TAOK3: variants seen among roughly 807,000 people sequenced by gnomAD.
The protein encoded by TAOK3 is TAO kinase 3.
In TAOK3, 40 loss-of-function variants were observed where a neutral mutation model predicts 120.4. The observed-to-expected ratio is 0.33, with a 90% CI of 0.26 to 0.43. The LOEUF (loss-of-function observed/expected upper bound fraction) is 0.43, where lower values mean the gene tolerates loss of function less well. Among genes scored for constraint, TAOK3 ranks in the 20% least tolerant of loss-of-function variants. The pLI is 1.00. For missense variants in TAOK3, 821 were observed against 1,112.1 expected, an observed-to-expected ratio of 0.74 and a Z score of 3.72; for synonymous variants, 355 against 387.5, an observed-to-expected ratio of 0.92 and a Z score of 0.99.
intron 2 of TAOK3, among the ~76,000 whole-genome samples, chr12:118,260,522 G>A (rs1268244249): frequency 2.6e-5 from 4 of 152,064 alleles, no homozygotes. Flanking sequence ...AACCATAATT[G>A]ATATAGATGA....
chr12:118,249,434 C>T (rs935343684), intron 3 of TAOK3, among the ~76,000 whole-genome samples: 2 of 151,664 alleles, frequency 1.3e-5, no homozygotes, highest in Non-Finnish European at 2.9e-5. Context: ...TGGTGGCACA[C>T]GTCTGTAATC....
At chr12:118,195,674 T>C (rs911488357) in intron 13 of TAOK3, among the ~76,000 whole-genome samples, 12 of 152,204 alleles carry the variant, frequency 7.9e-5, no homozygotes, top group African/African-American at 2.7e-4. Context: ...GTGGCAACAC[T>C]AGCCAGGGGG....
intron 1 of TAOK3, among the ~76,000 whole-genome samples, chr12:118,320,979 T>C (rs536948518): frequency 6.6e-6 from 1 of 152,150 alleles, no homozygotes; most frequent in Non-Finnish European, 1.5e-5. Context: ...CCTACTAAAG[T>C]ACTGTTAAGT....
chr12:118,280,502 T>G (rs1566057504), intron 1 of TAOK3, among the ~76,000 whole-genome samples: 1 of 152,192 alleles, frequency 6.6e-6, no homozygotes, highest in African/African-American at 2.4e-5. Flanking sequence ...ATCAGATGGT[T>G]GTAGGTGTGC....
chr12:118,270,831 C>T (rs1168234493), intron 1 of TAOK3, among the ~76,000 whole-genome samples: 6 of 152,020 alleles, frequency 3.9e-5, no homozygotes, highest in Non-Finnish European at 4.4e-5. Flanking sequence ...CCCGCCACCA[C>T]GCCCAGCTAA....
chr12:118,212,094 T>C (rs1457357550), intron 11 of TAOK3, among the ~76,000 whole-genome samples: 1 of 152,192 alleles, frequency 6.6e-6, no homozygotes, highest in Non-Finnish European at 1.5e-5. Context: ...TCTTAAATTA[T>C]AAAGGCAAAC....
At chr12:118,198,989 CTT>C (rs1157621900) in intron 13 of TAOK3, 60 bp downstream of exon 13, 13 of 1,582,736 alleles carry the variant, frequency 8.2e-6, no homozygotes, top group Non-Finnish European at 1.1e-5. Flanking sequence ...AGCTAAGTGA[CTT>C]GAACTGGATT....
intron 1 of TAOK3, among the ~76,000 whole-genome samples, chr12:118,325,530 T>C (rs1208303858): frequency 1.3e-5 from 2 of 152,220 alleles, no homozygotes; most frequent in Admixed American, 6.5e-5. Context: ...TGTCTTCTTT[T>C]GAGAAATGTC....
chr12:118,322,227 A>G (rs1307542898), intron 1 of TAOK3, among the ~76,000 whole-genome samples: 1 of 151,104 alleles, frequency 6.6e-6, no homozygotes, highest in Non-Finnish European at 1.5e-5. Flanking sequence ...AGGCAGGACA[A>G]CTACTTGAAC....
chr12:118,281,139 A>C (rs1162177342), intron 1 of TAOK3, among the ~76,000 whole-genome samples: 3 of 152,254 alleles, frequency 2.0e-5, no homozygotes, highest in Non-Finnish European at 4.4e-5. Context: ...TGTTGCCTGC[A>C]AACAGGGATA....
intron 1 of TAOK3, among the ~76,000 whole-genome samples, chr12:118,363,458 T>C (rs1032474908): frequency 6.6e-6 from 1 of 152,126 alleles, no homozygotes; most frequent in African/African-American, 2.4e-5. Context: ...AATATGGATA[T>C]CTAAGAAGGA....
At position 118,372,328 on chromosome 12, in the gene TAOK3, G is replaced by A. The variant is rs1344216827; in HGVS notation, c.-194+320C>T. On this transcript the variant is annotated intron_variant, in intron 1 of 20. Coordinates refer to ENST00000392533, the MANE Select transcript of TAOK3 (RefSeq NM_016281.4). This position sits in a 1 kb window ranked among gnomAD's most constrained non-coding sequence, Gnocchi z 4.6. Reference sequence around the variant, plus strand: ...CCTCCCCTCATCCCCCTATCCTAGTGCCTCATGAGGCACCCACCCCTCACC... The same window carrying A: ...CCTCCCCTCATCCCCCTATCCTAGTACCTCATGAGGCACCCACCCCTCACC... Among the ~76,000 whole-genome samples, 6 of 130,644 alleles carry A rather than the reference G, an allele frequency of 4.6e-5. No individual in the cohort carries two copies. In the East Asian group the frequency reaches 1.2e-3, roughly 25 times the overall value. The allele number at this position is 130,644 out of a possible 152,430, so 85.7% of individuals were successfully genotyped here.
chr12:118,290,738 G>C (rs1343288161), intron 1 of TAOK3, among the ~76,000 whole-genome samples: 1 of 152,182 alleles, frequency 6.6e-6, no homozygotes, highest in South Asian at 2.1e-4. Flanking sequence ...GCTAATTTTT[G>C]TATTTTTAGT....
chr12:118,161,736 G>C lies in TAOK3; in HGVS notation c.2139+52C>G. ...TTGCTCAGGTGACTCTGACACTTCA[G>C]GTAGAGAAACCACTGATCTGGTCCA... On this transcript the variant is annotated intron_variant, in intron 18 of 20. Coordinates refer to ENST00000392533, the MANE Select transcript of TAOK3 (RefSeq NM_016281.4). The surrounding 1 kb of genome is among the most constrained non-coding windows in gnomAD (Gnocchi z 4.5). The C allele has an allele frequency of 6.3e-7, 1 of 1,597,726 alleles. No homozygotes were observed. Among genetic ancestry groups the C allele is most frequent in the Non-Finnish European group, 8.6e-7 (1 of 1,169,212 alleles).
At chr12:118,299,645 G>A (rs2042805427) in intron 1 of TAOK3, among the ~76,000 whole-genome samples, 1 of 152,044 alleles carries the variant, frequency 6.6e-6, no homozygotes, top group Non-Finnish European at 1.5e-5. Flanking sequence ...CACTAGCTGG[G>A]ACTAGAGGTG....
rs201991376 is a variant in TAOK3, at chr12:118,207,981, TA to T, written c.819+4932del. On this transcript the variant is annotated intron_variant, in intron 11 of 20. Transcript: ENST00000392533. Reference sequence around the variant, plus strand: ...CTGTTCCTAACAGATCCTCTAAAGTTAAAAAAAAAATTATTAAAGGCTTTAC... The same window carrying T: ...CTGTTCCTAACAGATCCTCTAAAGTTAAAAAAAAATTATTAAAGGCTTTAC... Among the ~76,000 whole-genome samples the T allele has an allele frequency of 4.2e-4, 63 of 150,164 alleles. 1 individual carries two copies. Among genetic ancestry groups the T allele is most frequent in the African/African-American group, 1.1e-3 (45 of 41,060 alleles).
chr12:118,348,912 G>A (rs919226804), intron 1 of TAOK3, among the ~76,000 whole-genome samples: 1 of 144,754 alleles, frequency 6.9e-6, no homozygotes, highest in Non-Finnish European at 1.5e-5. Context: ...CTTGTTGCCC[G>A]GGTCTCACTC....
At chr12:118,358,854 T>A (rs149456542) in intron 1 of TAOK3, 1 of 152,200 alleles carries the variant, frequency 6.6e-6, no homozygotes, top group Non-Finnish European at 1.5e-5. Flanking sequence ...TTTTTAACAG[T>A]GTTTAGACAC....
In TAOK3 at chr12:118,172,466, G is replaced by A. The variant is rs755654742; in HGVS notation, c.1890C>T (p.Asn630=). 9.3e-6 allele frequency: 15 copies of A among 1,614,042 alleles called. No homozygotes were observed. Among genetic ancestry groups the A allele is most frequent in the Non-Finnish European group, 1.2e-5 (14 of 1,180,018 alleles). ...MIKRHEVEQQ[N]IREELNKKRT... ...CGAGCGTAATAAATACCTCCCGAAT[G>A]TTCTGCTGCTCCACCTCGTGCCGCT... Residue 630 remains asparagine (N), a synonymous_variant, in exon 17 of 21, where the codon AAC becomes AAT. Coordinates refer to ENST00000392533, the MANE Select transcript of TAOK3 (RefSeq NM_016281.4).
Sources: allele counts gnomAD v4.1 joint callset (sites outside exome capture counted in the v4.1 genomes callset), GRCh38; gene constraint gnomAD v4.1.1; non-coding constraint Gnocchi (gnomAD v3.1); transcripts MANE v1.5; gene names NCBI Gene and HGNC (gene_info 2026-07-23, HGNC 2026-07-21).